CRYBG1: variants seen among roughly 807,000 people sequenced by gnomAD.
CRYBG1 encodes the protein beta/gamma crystallin domain-containing protein 1.
CRYBG1 carries 139 observed loss-of-function variants against 189.2 expected under a neutral mutation model. That is an observed-to-expected ratio of 0.73 (90% confidence interval 0.64 to 0.85). CRYBG1 has a LOEUF of 0.85. Ranked by LOEUF, CRYBG1 falls within the 40% of genes least tolerant of loss-of-function variation. The pLI is 0.00. For missense variants in CRYBG1, 2,611 were observed against 2,675.8 expected (o/e 0.98, Z 0.53); for synonymous variants, 1,023 against 1,017.1 (o/e 1.01, Z -0.11).
In CRYBG1 at chr6:106,551,943, A is replaced by C; in HGVS notation, c.5404A>C (p.Asn1802His). The change falls in exon 14 of 22, where the codon AAT becomes CAT. Residue 1802 changes from asparagine (N) to histidine (H), a missense_variant. Transcript: ENST00000633556. ...CAGTTTTGAGGACTGGGGAGGCAAA[A>C]ATTGTAAGATCTCTTCTGTTCAACC... ...YTSFEDWGGK[N>H]CKISSVQPIC... 3.7e-6 allele frequency: 6 copies of C among 1,611,620 alleles called. No individual in the cohort carries two copies. Among genetic ancestry groups the C allele is most frequent in the Non-Finnish European group, 5.1e-6 (6 of 1,178,100 alleles).
chr6:106,496,739 A>G lies in CRYBG1; in HGVS notation c.313-14691A>G, dbSNP rs142786903. On this transcript the variant is annotated intron_variant, in intron 2 of 21. Transcript: ENST00000633556. ...TATTTTGGCCAGGCTGATCATTTTG[A>G]AGGTTGTTTGTCTCTTGAGTTTCTC... Among the ~76,000 whole-genome samples the G allele has an allele frequency of 2.7e-3, 413 of 152,270 alleles. 3 individuals are homozygous for G. The highest frequency in any genetic ancestry group is 9.5e-3 in the African/African-American group (394 of 41,546).
intron 1 of CRYBG1, among the ~76,000 whole-genome samples, chr6:106,408,285 A>C (rs1770861857): frequency 6.6e-6 from 1 of 152,222 alleles, no homozygotes; most frequent in Admixed American, 6.5e-5. Context: ...GAAATGGATA[A>C]ATTCCTGGAC....
chr6:106,504,783 A>G (rs561623706), intron 2 of CRYBG1, among the ~76,000 whole-genome samples: 1 of 152,178 alleles, frequency 6.6e-6, no homozygotes, highest in East Asian at 1.9e-4. Context: ...TTCCAAATCA[A>G]TGTCTGTGGT....
Position 106,456,997 on chromosome 6 carries a change from A to G in CRYBG1, c.312+5165A>G, listed in dbSNP as rs116892534. On this transcript the variant is annotated intron_variant, in intron 2 of 21. Transcript: ENST00000633556. The stretch of plus-strand genomic sequence containing the variant: ...CTAATCTCACCAAGCACAGTTCTCA[A>G]ATCATCCTACAAGAAGTAAGACCTC... Among the ~76,000 whole-genome samples, 48 of 152,224 alleles carry G rather than the reference A, an allele frequency of 3.2e-4. No homozygotes were observed. In the East Asian group the frequency reaches 7.7e-3, roughly 25 times the overall value.
At chr6:106,441,434 A>C (rs1361912055) in intron 1 of CRYBG1, among the ~76,000 whole-genome samples, 1 of 152,176 alleles carries the variant, frequency 6.6e-6, no homozygotes, top group Non-Finnish European at 1.5e-5. Flanking sequence ...GGTGATAAAT[A>C]TCAGTCCATC....
At position 106,512,231 on chromosome 6, in the gene CRYBG1, C is replaced by T. The variant is rs1462601318; in HGVS notation, c.1114C>T (p.Pro372Ser). The change falls in exon 3 of 22, where the codon CCT becomes TCT. Residue 372 changes from proline (P) to serine (S), a missense_variant. Coordinates refer to ENST00000633556, the MANE Select transcript of CRYBG1 (RefSeq NM_001371242.2). ...AGCCCGCCCCAAGGGTCACGCCCAC[C>T]CTGCTAAGGTGCTAACTTTGGACAT... ...CTARPKGHAH[P>S]AKVLTLDIYL... is the part of the protein sequence containing the mutation. The T allele has an allele frequency of 6.5e-7, 1 of 1,538,988 alleles. No homozygotes were observed.
chr6:106,454,026 C>G (rs1771835791), intron 2 of CRYBG1, among the ~76,000 whole-genome samples: 2 of 152,148 alleles, frequency 1.3e-5, no homozygotes, highest in South Asian at 2.1e-4. Flanking sequence ...TGTCTCTACT[C>G]TCTACTCACT....
In CRYBG1 at chr6:106,512,110, C is replaced by T; in HGVS notation, c.993C>T (p.Ala331=). 1 of 1,534,520 alleles carries T rather than the reference C, an allele frequency of 6.5e-7. No homozygotes were observed. Among genetic ancestry groups the T allele is most frequent in the Admixed American group, 2.0e-5 (1 of 50,942 alleles). The part of the protein sequence containing the change: ...AEEGSLGPRN[A]RSQPPKGASD... ...AAGGCTCCCTGGGGCCCCGCAACGCCCGCAGCCAGCCCCCCAAGGGCGCGT... is the reference window on the plus strand; with the variant it reads ...AAGGCTCCCTGGGGCCCCGCAACGCTCGCAGCCAGCCCCCCAAGGGCGCGT... The change falls in exon 3 of 22, where the codon GCC becomes GCT. Residue 331 remains alanine (A), a synonymous_variant. Coordinates refer to ENST00000633556, the MANE Select transcript of CRYBG1 (RefSeq NM_001371242.2).
intron 1 of CRYBG1, among the ~76,000 whole-genome samples, chr6:106,369,360 G>A (rs924374329): frequency 2.0e-5 from 3 of 152,240 alleles, no homozygotes; most frequent in Admixed American, 6.5e-5. Flanking sequence ...ATACTGTGGG[G>A]AAGAAAGTTG....
At chr6:106,563,503 T>C (rs1489328620) in intron 20 of CRYBG1, among the ~76,000 whole-genome samples, 1 of 152,186 alleles carries the variant, frequency 6.6e-6, no homozygotes, top group Non-Finnish European at 1.5e-5. Flanking sequence ...CTTTCCCTAC[T>C]AGTAAGATAG....
At chr6:106,402,030 G>A (rs1393610338) in intron 1 of CRYBG1, among the ~76,000 whole-genome samples, 15 of 140,836 alleles carry the variant, frequency 1.1e-4, no homozygotes, top group Non-Finnish European at 1.5e-4. Context: ...CAAATCATGA[G>A]TGAACTCCCA....
At chr6:106,510,590 G>A (rs1436283888) in intron 2 of CRYBG1, among the ~76,000 whole-genome samples, 1 of 152,228 alleles carries the variant, frequency 6.6e-6, no homozygotes, top group South Asian at 2.1e-4. Context: ...CCACACGTGT[G>A]GCGAGGAACG....
intron 1 of CRYBG1, among the ~76,000 whole-genome samples, chr6:106,444,861 T>C (rs1771634680): frequency 6.6e-6 from 1 of 152,116 alleles, no homozygotes; most frequent in Admixed American, 6.5e-5. Flanking sequence ...TTGAAAGACT[T>C]GGTGGCTCAC....
chr6:106,363,135 A>T (rs896742572), intron 1 of CRYBG1, among the ~76,000 whole-genome samples: 28 of 149,610 alleles, frequency 1.9e-4, no homozygotes, highest in Middle Eastern at 3.4e-3. Context: ...TCCCAGCTAC[A>T]CGGGAGGCTG....
chr6:106,505,604 G>A (rs180819147), intron 2 of CRYBG1, among the ~76,000 whole-genome samples: 41 of 152,088 alleles, frequency 2.7e-4, no homozygotes, highest in African/African-American at 8.7e-4. Context: ...TAGCTGTCAC[G>A]AGTCTAAAGT....
At chr6:106,379,323 A>G (rs1184333164) in intron 1 of CRYBG1, among the ~76,000 whole-genome samples, 1 of 150,638 alleles carries the variant, frequency 6.6e-6, no homozygotes, top group Non-Finnish European at 1.5e-5. Context: ...GTGCAGTGGC[A>G]TGATCTTGGC....
Position 106,512,306 on chromosome 6 carries a change from A to T in CRYBG1, c.1189A>T (p.Thr397Ser). The change falls in exon 3 of 22, where the codon ACT becomes TCT. Residue 397 changes from threonine (T) to serine (S), a missense_variant. Physicochemically the swap from Thr to Ser is moderately conservative, Grantham distance 58 (BLOSUM62 1). This residue lies in a region of CRYBG1 where 985 missense variants were observed against 924.4 expected (regional missense o/e 1.07). Coordinates refer to ENST00000633556, the MANE Select transcript of CRYBG1 (RefSeq NM_001371242.2). ...ACAAGTGGACGAGCCGGTCGTGATT[A>T]CTCCCAGAGCGGAAGATTGCGGTGA... ...GAQVDEPVVI[T>S]PRAEDCGDWD... 6.3e-7 allele frequency: 1 copy of T among 1,597,884 alleles called. No individual in the cohort carries two copies. Among genetic ancestry groups the T allele is most frequent in the Non-Finnish European group, 8.5e-7 (1 of 1,174,192 alleles).
chr6:106,505,820 C>G (rs949873757), intron 2 of CRYBG1, among the ~76,000 whole-genome samples: 1 of 151,920 alleles, frequency 6.6e-6, no homozygotes, highest in African/African-American at 2.4e-5. Context: ...ATGGCCAATC[C>G]TATCATTTAC....
At chr6:106,417,106 A>G (rs1280622212) in intron 1 of CRYBG1, among the ~76,000 whole-genome samples, 1 of 148,430 alleles carries the variant, frequency 6.7e-6, no homozygotes, top group Non-Finnish European at 1.5e-5. Context: ...CCCAGGCTCA[A>G]TCCTCCTGCC....
Sources: allele counts gnomAD v4.1 joint callset (sites outside exome capture counted in the v4.1 genomes callset), GRCh38; gene constraint gnomAD v4.1.1; regional missense constraint gnomAD v4.1.1; transcripts MANE v1.5; gene names NCBI Gene and HGNC (gene_info 2026-07-23, HGNC 2026-07-21).